The following PDPR variants were observed in gnomAD, a reference collection of about 807,000 sequenced individuals.
PDPR encodes pyruvate dehydrogenase phosphatase regulatory subunit, mitochondrial.
In PDPR, 50 loss-of-function variants were observed where a neutral mutation model predicts 102.2. The ratio of observed to expected loss-of-function variants is 0.49; its 90% confidence interval spans 0.39 to 0.62. The LOEUF (loss-of-function observed/expected upper bound fraction) is 0.62, where lower values mean the gene tolerates loss of function less well. Among genes scored for constraint, PDPR ranks in the 20% least tolerant of loss-of-function variants. PDPR has a pLI of 0.00. For missense variants in PDPR, 625 were observed against 1,098.2 expected (o/e 0.57, Z 6.09); for synonymous variants, 259 against 406.0 (o/e 0.64, Z 4.35).
At chr16:70,162,607 G>C (rs911432212), downstream of PDPR, 2 of 152,734 alleles carry the variant, frequency 1.3e-5, no homozygotes, top group Non-Finnish European at 2.9e-5. Flanking sequence ...CATAAACAGC[G>C]TGCAGAGGAG....
Position 70,156,587 on chromosome 16 carries a change from C to G in PDPR, c.2348C>G (p.Pro783Arg). The G allele has an allele frequency of 6.2e-7, 1 of 1,614,098 alleles. No homozygotes were observed. Among genetic ancestry groups the G allele is most frequent in the Non-Finnish European group, 8.5e-7 (1 of 1,179,912 alleles). The part of the protein sequence containing the change: ...DDHDSDLDLW[P>R]WWGEPIYRNG... ...CATGATTCAGACCTAGACCTTTGGC[C>G]TTGGTGGGGAGAGCCCATTTACCGG... The change falls in exon 19 of 19, where the codon CCT (proline) becomes CGT (arginine). Residue 783 changes from proline (P) to arginine (R), a missense_variant. Physicochemically the swap from Pro to Arg is moderately radical, Grantham distance 103. Around this residue, in one of 11 missense-constraint regions of PDPR, gnomAD observed 303 missense variants for 258.9 expected, o/e 1.17. Coordinates refer to ENST00000288050, the MANE Select transcript of PDPR (RefSeq NM_017990.5).
At chr16:70,127,579 G>A (rs1964104792) in intron 4 of PDPR, among the ~76,000 whole-genome samples, 186 bp downstream of exon 4, 1 of 152,270 alleles carries the variant, frequency 6.6e-6, no homozygotes, top group African/African-American at 2.4e-5. Flanking sequence ...CACGAGGTCA[G>A]GAGATCGAGA....
rs1965087707 is a variant in PDPR, at chr16:70,135,944, C to A, written c.998-250C>A. On this transcript the variant is annotated intron_variant, in intron 9 of 18. Transcript: ENST00000288050. ...ATTAGCTGGGCATGGTGGTGCACGC[C>A]TGTAATCCGAGCTAATTGGCAGGCT... Among the ~76,000 whole-genome samples the A allele has an allele frequency of 2.0e-5, 3 of 152,228 alleles. No homozygotes were observed. The South Asian group carries it at 6.2e-4, about 32-fold the overall frequency.
At chr16:70,162,722 G>C (rs28378846), downstream of PDPR, among the ~76,000 whole-genome samples, 3 of 152,226 alleles carry the variant, frequency 2.0e-5, no homozygotes, top group Non-Finnish European at 4.4e-5. Flanking sequence ...GGAGTGGCTG[G>C]GGGTAAAAGC....
chr16:70,130,638 A>G, intron 7 of PDPR, 94 bp downstream of exon 7: 1 of 1,500,210 alleles, frequency 6.7e-7, no homozygotes, highest in African/African-American at 1.4e-5. Flanking sequence ...GATTGGTTAT[A>G]CAGATATCAG....
rs774026517 is a variant in PDPR at position 70,156,881 on chromosome 16, G to A, written c.*2G>A. On this transcript the variant is annotated 3_prime_UTR_variant, in exon 19 of 19. Coordinates refer to ENST00000288050, the MANE Select transcript of PDPR (RefSeq NM_017990.5). The stretch of plus-strand genomic sequence containing the variant: ...CTGAGTGACTTACATGGGAAGTGAT[G>A]CCACCAGGGCAGCCTCACCTCCTCC... 1 of 1,612,598 alleles carries A rather than the reference G, an allele frequency of 6.2e-7. No homozygotes were observed. The highest frequency in any genetic ancestry group is 8.5e-7 in the Non-Finnish European group (1 of 1,179,170).
intron 9 of PDPR, among the ~76,000 whole-genome samples, chr16:70,134,371 G>A (rs1447666880): frequency 1.3e-5 from 2 of 152,006 alleles, no homozygotes; most frequent in African/African-American, 4.8e-5. Context: ...AATTACAGGC[G>A]CCCACCACAA....
At position 70,136,351 on chromosome 16, in the gene PDPR, C is replaced by G; in HGVS notation, c.1155C>G (p.Asn385Lys). The G allele has an allele frequency of 6.2e-7, 1 of 1,612,784 alleles. No homozygotes were observed. The highest frequency in any genetic ancestry group is 8.5e-7 in the Non-Finnish European group (1 of 1,179,412). The change falls in exon 10 of 19, where the codon AAC becomes AAG. Residue 385 changes from asparagine to lysine, a missense_variant. Around this residue, in one of 11 missense-constraint regions of PDPR, gnomAD observed 10 missense variants for 80.4 expected, o/e 0.12. Coordinates refer to ENST00000288050, the MANE Select transcript of PDPR (RefSeq NM_017990.5). ...VQGYFVLAGM[N>K]SAGLSFGGGA... ...GCTACTTTGTCCTGGCAGGAATGAA[C>G]TCTGCTGGCCTTTCATTTGGTGGAG...
At position 70,140,891 on chromosome 16, in the gene PDPR, A is replaced by G. The variant is rs1965641262; in HGVS notation, c.1316-1343A>G. Among the ~76,000 whole-genome samples the G allele has an allele frequency of 3.9e-5, 6 of 152,198 alleles. No individual in the cohort carries two copies. The South Asian group carries it at 1.2e-3, about 31-fold the overall frequency. ...ACCGAAAGTACTAGGAGATGGAGAG[A>G]TTGTCACCATGCAGAGAACCCCACC... On this transcript the variant is annotated intron_variant, in intron 11 of 18. Transcript: ENST00000288050.
intron 9 of PDPR, 51 bp downstream of exon 9, chr16:70,132,351 A>G: frequency 1.3e-6 from 2 of 1,539,662 alleles, no homozygotes. Context: ...TTAAGATGTT[A>G]TATTTTTCAA....
chr16:70,122,868 C>CACACACACACACACAA (rs1555520799), intron 3 of PDPR, among the ~76,000 whole-genome samples: 1 of 149,722 alleles, frequency 6.7e-6, no homozygotes, highest in African/African-American at 2.5e-5. Flanking sequence ...CACACACACA[C>CACACACACACACACAA]CAGTTTAGAC....
intron 3 of PDPR, among the ~76,000 whole-genome samples, chr16:70,122,284 G>C (rs1249297917): frequency 6.6e-6 from 1 of 152,276 alleles, no homozygotes; most frequent in Non-Finnish European, 1.5e-5. Context: ...ACCACACCTG[G>C]CCTAGGCTGT....
intron 2 of PDPR, among the ~76,000 whole-genome samples, chr16:70,119,193 G>A (rs1252389489): frequency 6.6e-6 from 1 of 152,048 alleles, no homozygotes; most frequent in Non-Finnish European, 1.5e-5. Context: ...AAGGGCAGTG[G>A]TTCATGCCTG....
chr16:70,149,715 A>G (rs1217531333), intron 17 of PDPR, among the ~76,000 whole-genome samples: 5 of 152,252 alleles, frequency 3.3e-5, no homozygotes, highest in East Asian at 1.9e-4. Flanking sequence ...TGTTATTTCT[A>G]GTCTTTTGCT....
At chr16:70,116,842 T>C (rs1394376274) in intron 2 of PDPR, among the ~76,000 whole-genome samples, 1 of 151,974 alleles carries the variant, frequency 6.6e-6, no homozygotes. Flanking sequence ...GCGCCCGGCC[T>C]AAAGTTTTTT....
Position 70,156,835 on chromosome 16 carries a change from C to T in PDPR, c.2596C>T (p.Arg866Cys), listed in dbSNP as rs754956337. The T allele has an allele frequency of 3.6e-5, 58 of 1,613,854 alleles. No homozygotes were observed. Among genetic ancestry groups the T allele is most frequent in the Middle Eastern group, 1.6e-4 (1 of 6,082 alleles). Reference sequence around the variant, plus strand: ...TGTCGCCTCCCTCTTCACCCAGAAGCGCCGAAAGGATGACATGGAGCTGAG... The same window carrying T: ...TGTCGCCTCCCTCTTCACCCAGAAGTGCCGAAAGGATGACATGGAGCTGAG... ...YPVASLFTQK[R>C]RKDDMELSDL... The change falls in exon 19 of 19, where the codon CGC (arginine) becomes TGC (cysteine). Residue 866 changes from arginine (R) to cysteine (C), a missense_variant. Arg to Cys is a radical substitution (Grantham distance 180, BLOSUM62 -3). Transcript: ENST00000288050.
intron 16 of PDPR, chr16:70,147,496 G>A (rs1360352599): frequency 1.9e-4 from 75 of 390,990 alleles, no homozygotes; most frequent in Middle Eastern, 6.0e-4. Flanking sequence ...AAGAAATGGC[G>A]TAGGTGAATC....
chr16:70,138,207 ATTTT>A lies in PDPR; in HGVS notation c.1191-667_1191-664del, dbSNP rs1201065640. Reference sequence around the variant, plus strand: ...CAGGCATGTGCCACCACGCCGGCTAATTTTTTTTTTTTTTTTTTTTTTTTTTTTG... The same window carrying A: ...CAGGCATGTGCCACCACGCCGGCTAATTTTTTTTTTTTTTTTTTTTTTTTG... On this transcript the variant is annotated intron_variant, in intron 10 of 18. Transcript: ENST00000288050. Among the ~76,000 whole-genome samples the A allele has an allele frequency of 4.8e-3, 455 of 93,970 alleles. 6 individuals carry two copies. In the Admixed American group the frequency reaches 0.052, roughly 11 times the overall value. The allele number at this position is 93,970 out of a possible 152,430, so 61.6% of individuals were successfully genotyped here.
chr16:70,138,745 G>A lies in PDPR; in HGVS notation c.1191-154G>A, dbSNP rs1465202802. ...GAGAGCAGTACACAGACCCATGTTCGTTTCTTCCAGAAAAGTTAAGGAAAG... is the reference window on the plus strand; with the variant it reads ...GAGAGCAGTACACAGACCCATGTTCATTTCTTCCAGAAAAGTTAAGGAAAG... On this transcript the variant is annotated intron_variant, in intron 10 of 18. Transcript: ENST00000288050. Among the ~76,000 whole-genome samples the A allele has an allele frequency of 3.3e-5, 5 of 152,254 alleles. No homozygotes were observed. The East Asian group carries it at 5.8e-4, about 18-fold the overall frequency.
Sources: gnomAD v4.1 joint callset for allele counts (sites outside exome capture counted in the v4.1 genomes callset) on GRCh38, gnomAD v4.1.1 for gene constraint, gnomAD v4.1.1 regional missense constraint, MANE v1.5 for transcripts, NCBI Gene and HGNC (gene_info 2026-07-23, HGNC 2026-07-21) for gene names.